The following UPP2 variants were observed in gnomAD, a reference collection of about 807,000 sequenced individuals.
UPP2 encodes the protein UPase 2.
Under a neutral mutation model 26.7 loss-of-function variants are expected in UPP2, and 23 were observed. The observed-to-expected ratio is 0.86, with a 90% CI of 0.62 to 1.22. UPP2 has a LOEUF of 1.22. UPP2 is among the 50% of genes most tolerant of loss of function. The pLI, the probability that UPP2 is intolerant of heterozygous loss-of-function variation, is 0.00. For synonymous variants in UPP2, 127 were observed against 141.3 expected (o/e 0.90, Z 0.72); for missense variants, 387 against 396.7 (o/e 0.98, Z 0.21).
At chr2:158,007,666 C>A (rs1242330386) in intron 2 of UPP2, among the ~76,000 whole-genome samples, 1 of 149,820 alleles carries the variant, frequency 6.7e-6, no homozygotes. Context: ...CTTGCTCTGT[C>A]GCTCAGACTG....
At chr2:158,121,167 G>A (rs913009839) in intron 4 of UPP2, among the ~76,000 whole-genome samples, 57 of 151,964 alleles carry the variant, frequency 3.8e-4, no homozygotes, top group African/African-American at 1.3e-3. Flanking sequence ...GCATGTCCAA[G>A]AGTCATGTTT....
chr2:158,072,275 CT>C lies in UPP2; in HGVS notation c.148-29762del, dbSNP rs1325690198. 3.3e-5 allele frequency among the ~76,000 whole-genome samples: 5 copies of C among 152,148 alleles called. No individual in the cohort carries two copies. The East Asian group carries it at 9.7e-4, about 30-fold the overall frequency. On this transcript the variant is annotated intron_variant, in intron 3 of 9. Coordinates refer to the UPP2 transcript ENST00000605860. ...AAAAGGGAGGGAAGAACAGGAAAGACTTTGTTTTGTGGTTTGAGGGCCAGCT... is the reference window on the plus strand; with the variant it reads ...AAAAGGGAGGGAAGAACAGGAAAGACTTGTTTTGTGGTTTGAGGGCCAGCT...
Position 158,116,306 on chromosome 2 carries a change from C to G in UPP2, c.339+1047C>G, listed in dbSNP as rs191802454. The stretch of plus-strand genomic sequence containing the variant: ...ACTGATCTTGGTAAATTTTTTCTTA[C>G]CAACATTTAGTGGACCTTTAGACTA... On this transcript the variant is annotated intron_variant, in intron 3 of 6. Coordinates refer to ENST00000005756, the MANE Select transcript of UPP2 (RefSeq NM_173355.4). Among the ~76,000 whole-genome samples, 221 of 152,192 alleles carry G rather than the reference C, an allele frequency of 1.5e-3. 1 individual carries two copies. The highest frequency in any genetic ancestry group is 5.0e-3 in the African/African-American group (208 of 41,528).
intron 2 of UPP2, among the ~76,000 whole-genome samples, chr2:158,012,961 C>T (rs375943376): frequency 1.3e-5 from 2 of 151,946 alleles, no homozygotes; most frequent in African/African-American, 2.4e-5. Context: ...TTCATCAATG[C>T]CCCATTGTTG....
intron 3 of UPP2, among the ~76,000 whole-genome samples, chr2:158,055,506 C>T (rs1255371592): frequency 5.3e-5 from 8 of 152,106 alleles, no homozygotes; most frequent in Non-Finnish European, 5.9e-5. Context: ...TTGTTCACTT[C>T]GCATAATGTC....
At chr2:158,095,849 G>A (rs896812661) in intron 3 of UPP2, among the ~76,000 whole-genome samples, 14 of 151,468 alleles carry the variant, frequency 9.2e-5, no homozygotes, top group African/African-American at 2.9e-4. Context: ...TGGTTATTTC[G>A]AGCTTAGACA....
intron 2 of UPP2, among the ~76,000 whole-genome samples, chr2:158,110,909 C>A (rs1407835660): frequency 6.6e-6 from 1 of 152,098 alleles, no homozygotes; most frequent in Non-Finnish European, 1.5e-5. Context: ...TGGATATTAG[C>A]CCTTTGTCAG....
intron 6 of UPP2, among the ~76,000 whole-genome samples, chr2:158,133,414 C>T (rs1259419444): frequency 6.6e-6 from 1 of 152,086 alleles, no homozygotes; most frequent in African/African-American, 2.4e-5. Flanking sequence ...TGCAAAATTT[C>T]AGTTACAAGG....
chr2:158,109,451 G>A (rs960933917), intron 2 of UPP2, among the ~76,000 whole-genome samples: 2 of 152,142 alleles, frequency 1.3e-5, no homozygotes, highest in East Asian at 1.9e-4. Context: ...CTGGTGATTC[G>A]AGGACCCAGG....
At chr2:158,036,997 A>G (rs929133863) in intron 3 of UPP2, among the ~76,000 whole-genome samples, 3 of 152,094 alleles carry the variant, frequency 2.0e-5, no homozygotes, top group Non-Finnish European at 4.4e-5. Flanking sequence ...TCCTATCTTC[A>G]AGTTCATTTA....
chr2:158,084,595 G>C (rs1432998846), intron 3 of UPP2, among the ~76,000 whole-genome samples: 1 of 151,758 alleles, frequency 6.6e-6, no homozygotes, highest in Non-Finnish European at 1.5e-5. Context: ...AGGTTTTTCT[G>C]ATGTTATCTT....
intron 2 of UPP2, among the ~76,000 whole-genome samples, chr2:158,106,613 A>G (rs1308692488): frequency 2.0e-5 from 3 of 152,186 alleles, no homozygotes; most frequent in Non-Finnish European, 2.9e-5. Flanking sequence ...AAAACTAACA[A>G]TATAATATTA....
At chr2:158,105,867 T>C (rs572746330) in intron 1 of UPP2, among the ~76,000 whole-genome samples, 2 of 152,370 alleles carry the variant, frequency 1.3e-5, no homozygotes, top group East Asian at 3.9e-4. Context: ...AGAGGGCAGT[T>C]ATGGGACAAA....
rs77753647 is a variant in UPP2, at chr2:158,105,556, C to T, written c.63-543C>T. Among the ~76,000 whole-genome samples, 1,045 of 152,180 alleles carry T rather than the reference C, an allele frequency of 6.9e-3. 14 individuals carry two copies. Among genetic ancestry groups the T allele is most frequent in the South Asian group, 0.024 (116 of 4,802 alleles). On this transcript the variant is annotated intron_variant, in intron 1 of 6. Transcript: ENST00000005756. ...CCAGAAGAAGAGTCCATGAAGTGTC[C>T]GGCTGATTGTTATGCATGCTACACT...
chr2:158,082,697 A>G (rs1682746929), intron 3 of UPP2, among the ~76,000 whole-genome samples: 1 of 152,256 alleles, frequency 6.6e-6, no homozygotes, highest in African/African-American at 2.4e-5. Context: ...ACAAAAGCCA[A>G]AATTGACAAA....
At chr2:158,051,013 A>G (rs1275989165) in intron 3 of UPP2, among the ~76,000 whole-genome samples, 2 of 152,152 alleles carry the variant, frequency 1.3e-5, no homozygotes, top group African/African-American at 4.8e-5. Flanking sequence ...GCCTGTATCA[A>G]AACATCTCAG....
At chr2:158,034,754 A>G (rs1683974832) in intron 3 of UPP2, among the ~76,000 whole-genome samples, 2 of 152,224 alleles carry the variant, frequency 1.3e-5, no homozygotes, top group Admixed American at 1.3e-4. Flanking sequence ...GCTGCAGAGC[A>G]TGAACCATTT....
chr2:158,130,290 A>G (rs563132960), intron 6 of UPP2, among the ~76,000 whole-genome samples: 58 of 152,166 alleles, frequency 3.8e-4, no homozygotes, highest in African/African-American at 1.3e-3. Flanking sequence ...CAAATACGAA[A>G]AAAACCAAAA....
chr2:158,021,183 C>T (rs1385962016), intron 3 of UPP2, among the ~76,000 whole-genome samples: 4 of 152,194 alleles, frequency 2.6e-5, no homozygotes, highest in Admixed American at 1.3e-4. Context: ...GCAATAGTCT[C>T]CATGCAGTAA....
Sources: allele counts gnomAD v4.1 joint callset (sites outside exome capture counted in the v4.1 genomes callset), GRCh38; gene constraint gnomAD v4.1.1; transcripts MANE v1.5; gene names NCBI Gene and HGNC (gene_info 2026-07-23, HGNC 2026-07-21).